Variants in OTUD7A observed in about 807,000 individuals in gnomAD.
OTUD7A encodes OTU domain-containing protein 7A.
A neutral mutation model predicts 65.7 loss-of-function variants in OTUD7A; 12 were observed. The observed-to-expected ratio is 0.18, with a 90% CI of 0.12 to 0.30. OTUD7A has a LOEUF of 0.30. Ranked by LOEUF, OTUD7A falls within the 10% of genes least tolerant of loss-of-function variation. The pLI, the probability that OTUD7A is intolerant of heterozygous loss-of-function variation, is 1.00. For synonymous variants in OTUD7A, 641 were observed against 586.3 expected (o/e 1.09, Z -1.35); for missense variants, 1,148 against 1,304.8 (o/e 0.88, Z 1.85).
rs1226266359 is a variant in OTUD7A, at chr15:31,592,904, AATAT to A, written c.152-22711_152-22708del. Among the ~76,000 whole-genome samples the A allele has an allele frequency of 3.7e-3, 218 of 59,350 alleles. 4 individuals are homozygous for A. Among genetic ancestry groups the A allele is most frequent in the Middle Eastern group, 0.019 (1 of 54 alleles). 38.9% of individuals were successfully genotyped at this position (59,350 alleles called of 152,430 possible). A position where few individuals can be genotyped will look rare whatever the true frequency, so the allele number is the denominator to read the frequency against. Reference sequence around the variant, plus strand: ...CAAAAAAAAAAAAAAAAAAAAAAAAAATATATATATATATATATATATATATATA... The same window carrying A: ...CAAAAAAAAAAAAAAAAAAAAAAAAAATATATATATATATATATATATATA... On this transcript the variant is annotated intron_variant, in intron 3 of 12. Transcript: ENST00000307050.
chr15:31,863,354 C>A (rs2141019327), intron 1 of OTUD7A, among the ~76,000 whole-genome samples: 1 of 152,330 alleles, frequency 6.6e-6, no homozygotes, highest in East Asian at 1.9e-4. Context: ...CCCCACATTT[C>A]TCTTCTGCAC....
chr15:31,526,502 G>C, intron 7 of OTUD7A, 41 bp from the exon 8 acceptor site: 1 of 1,470,630 alleles, frequency 6.8e-7, no homozygotes, highest in Non-Finnish European at 9.1e-7. Context: ...GTGGGCCACA[G>C]CTGCGCTGCC....
intron 3 of OTUD7A, among the ~76,000 whole-genome samples, chr15:31,585,125 G>A (rs192585853): frequency 1.7e-3 from 253 of 152,308 alleles, no homozygotes; most frequent in African/African-American, 5.8e-3. Context: ...CGATGTTACT[G>A]CTGTTGCTTG....
At chr15:31,585,727 C>A (rs1889514278) in intron 3 of OTUD7A, among the ~76,000 whole-genome samples, 1 of 152,140 alleles carries the variant, frequency 6.6e-6, no homozygotes, top group Admixed American at 6.5e-5. Flanking sequence ...CGGCTGTATT[C>A]ATATGTGTAT....
At chr15:31,698,054 A>G (rs977822605) in intron 1 of OTUD7A, among the ~76,000 whole-genome samples, 1 of 152,026 alleles carries the variant, frequency 6.6e-6, no homozygotes, top group Non-Finnish European at 1.5e-5. Flanking sequence ...CTCCAACTAC[A>G]CACATTCTTT....
intron 1 of OTUD7A, among the ~76,000 whole-genome samples, chr15:31,786,442 A>G (rs1249123188): frequency 1.3e-5 from 2 of 152,172 alleles, no homozygotes; most frequent in Non-Finnish European, 2.9e-5. Context: ...CATTACTGGA[A>G]CCTCCTTTTG....
rs1897709986 is a variant in OTUD7A, at chr15:31,860,679, A to ATATATATATATATATATATATGTATG, written c.-100+9802_-100+9827dup. 3.6e-3 allele frequency among the ~76,000 whole-genome samples: 147 copies of ATATATATATATATATATATATGTATG among 40,842 alleles called. 1 individual carries two copies. Among genetic ancestry groups the ATATATATATATATATATATATGTATG allele is most frequent in the Middle Eastern group, 0.015 (1 of 66 alleles). 26.8% of individuals were successfully genotyped at this position (40,842 alleles called of 152,430 possible). A position where few individuals can be genotyped will look rare whatever the true frequency, so the allele number is the denominator to read the frequency against. On this transcript the variant is annotated intron_variant, in intron 1 of 12. Transcript: ENST00000307050. ...TGTGTATATATAGATGTATGTGTGT[A>ATATATATATATATATATATATGTATG]TATATATATATATATATATATGTAT...
rs1322647132 is a variant in OTUD7A, at chr15:31,674,376, A to C, written c.-99-17299T>G. On this transcript the variant is annotated intron_variant, in intron 1 of 12. Transcript: ENST00000307050. ...GGCTGATGAGAATTTCAGAAGACAG[A>C]ACTGACAGGAATGACATGCTTTAGG... 1.7e-4 allele frequency among the ~76,000 whole-genome samples: 26 copies of C among 152,192 alleles called. 1 individual carries two copies. Among genetic ancestry groups the C allele is most frequent in the Admixed American group, 1.7e-3 (26 of 15,280 alleles).
chr15:31,594,299 C>A (rs1595638032), intron 3 of OTUD7A, among the ~76,000 whole-genome samples: 1 of 152,162 alleles, frequency 6.6e-6, no homozygotes, highest in African/African-American at 2.4e-5. Flanking sequence ...TCCCGAGGCA[C>A]CTTTTTAAAA....
rs1566892803 is a variant in OTUD7A at position 31,511,067 on chromosome 15, A to ATATCTATATGTAACATACATG, written c.894-7250_894-7249insCATGTATGTTACATATAGATA. ...ATGTATATCTATATGTAACATACATATATATGTATATCTATATGTAACATA... is the reference window on the plus strand; with the variant it reads ...ATGTATATCTATATGTAACATACATATATCTATATGTAACATACATGTATATGTATATCTATATGTAACATA... On this transcript the variant is annotated intron_variant, in intron 8 of 12. Transcript: ENST00000307050. Among the ~76,000 whole-genome samples, 54 of 66,468 alleles carry ATATCTATATGTAACATACATG rather than the reference A, an allele frequency of 8.1e-4. 22 individuals carry two copies. In the South Asian group the frequency reaches 0.012, roughly 14 times the overall value. 43.6% of individuals were successfully genotyped at this position (66,468 alleles called of 152,430 possible). A position where few individuals can be genotyped will look rare whatever the true frequency, so the allele number is the denominator to read the frequency against.
At chr15:31,509,601 T>A (rs1018383712) in intron 8 of OTUD7A, among the ~76,000 whole-genome samples, 2 of 152,134 alleles carry the variant, frequency 1.3e-5, no homozygotes, top group Non-Finnish European at 2.9e-5. Context: ...TAAAACAAAA[T>A]TTTTTTAACC....
intron 1 of OTUD7A, among the ~76,000 whole-genome samples, chr15:31,749,459 C>T (rs932932326): frequency 6.6e-6 from 1 of 152,128 alleles, no homozygotes; most frequent in Non-Finnish European, 1.5e-5. Context: ...TCATTATATA[C>T]CCCTAGACTA....
At chr15:31,545,358 C>A (rs1888098114) in intron 5 of OTUD7A, among the ~76,000 whole-genome samples, 1 of 151,608 alleles carries the variant, frequency 6.6e-6, no homozygotes, top group East Asian at 1.9e-4. Flanking sequence ...TTGGGGTAGG[C>A]AAAGGTTTCT....
intron 3 of OTUD7A, among the ~76,000 whole-genome samples, chr15:31,574,911 C>T (rs1328023957): frequency 6.6e-6 from 1 of 152,176 alleles, no homozygotes; most frequent in Non-Finnish European, 1.5e-5. Flanking sequence ...AGGACAGCCC[C>T]TCCACTTTGG....
At chr15:31,767,244 C>A (rs1895114950) in intron 1 of OTUD7A, 1 of 902,996 alleles carries the variant, frequency 1.1e-6, no homozygotes, top group Non-Finnish European at 1.8e-6. Context: ...CCCACTGGAT[C>A]TATCTGAAAC....
rs147762729 is a variant in OTUD7A, at chr15:31,825,773, G to A, written c.-100+44734C>T. On this transcript the variant is annotated intron_variant, in intron 1 of 12. Transcript: ENST00000307050. ...AGCTACTTATTTCCTAGATACAATGGGGGTACAGACATTGGGTAAATACTA... is the reference window on the plus strand; with the variant it reads ...AGCTACTTATTTCCTAGATACAATGAGGGTACAGACATTGGGTAAATACTA... 3.5e-3 allele frequency among the ~76,000 whole-genome samples: 530 copies of A among 152,266 alleles called. 3 individuals are homozygous for A. The highest frequency in any genetic ancestry group is 0.012 in the African/African-American group (480 of 41,552).
chr15:31,584,543 C>G (rs1045566700), intron 3 of OTUD7A, among the ~76,000 whole-genome samples: 6 of 152,200 alleles, frequency 3.9e-5, no homozygotes, highest in African/African-American at 1.4e-4. Context: ...CAGGGGGATG[C>G]CTACGTCACC....
In OTUD7A at chr15:31,755,852, C is replaced by T. The variant is rs534203027; in HGVS notation, c.-99-98775G>A. Among the ~76,000 whole-genome samples the T allele has an allele frequency of 5.7e-4, 87 of 152,314 alleles. 1 individual carries two copies. In the South Asian group the frequency reaches 0.016, roughly 28 times the overall value. ...TGTTTGCTTGTTTTCCACCCAGTGG[C>T]GGCCTAGGTCTGTTAACAGACTGGC... On this transcript the variant is annotated intron_variant, in intron 1 of 12. Transcript: ENST00000307050.
chr15:31,656,494 A>C (rs1256309965), intron 2 of OTUD7A, among the ~76,000 whole-genome samples: 2 of 152,216 alleles, frequency 1.3e-5, no homozygotes, highest in African/African-American at 4.8e-5. Flanking sequence ...AAGGTCCACA[A>C]AATTGAAAAG....
Sources: gnomAD v4.1 joint callset for allele counts (sites outside exome capture counted in the v4.1 genomes callset) on GRCh38, gnomAD v4.1.1 for gene constraint, MANE v1.5 for transcripts, NCBI Gene and HGNC (gene_info 2026-07-23, HGNC 2026-07-21) for gene names.